The following DSCAM variants were observed in gnomAD, a reference collection of about 807,000 sequenced individuals.
DSCAM encodes cell adhesion molecule DSCAM.
A neutral mutation model predicts 217.7 loss-of-function variants in DSCAM; 47 were observed. The observed-to-expected ratio is 0.22, with a 90% CI of 0.17 to 0.28. The LOEUF (loss-of-function observed/expected upper bound fraction) is 0.28. Ranked by LOEUF, DSCAM falls within the 10% of genes least tolerant of loss-of-function variation. DSCAM has a pLI of 1.00. For missense variants in DSCAM, 2,080 were observed against 2,618.3 expected (o/e 0.79, Z 4.49); for synonymous variants, 1,056 against 1,015.3 (o/e 1.04, Z -0.76).
At chr21:40,214,265 G>C (rs1160678017) in intron 11 of DSCAM, among the ~76,000 whole-genome samples, 1 of 152,190 alleles carries the variant, frequency 6.6e-6, no homozygotes, top group East Asian at 1.9e-4. Flanking sequence ...ATGGACGTGG[G>C]AGCCTGTGTT....
intron 3 of DSCAM, among the ~76,000 whole-genome samples, chr21:40,453,280 G>C (rs1467028610): frequency 6.6e-6 from 1 of 152,064 alleles, no homozygotes; most frequent in Non-Finnish European, 1.5e-5. Flanking sequence ...GAGAAGATAA[G>C]GATGGAGAGA....
chr21:40,345,049 T>C (rs974054912), intron 6 of DSCAM, among the ~76,000 whole-genome samples: 2 of 152,212 alleles, frequency 1.3e-5, no homozygotes, highest in African/African-American at 4.8e-5. Flanking sequence ...TTCTCTAATC[T>C]TGTATTAAAC....
intron 1 of DSCAM, among the ~76,000 whole-genome samples, chr21:40,810,524 T>C (rs2091828620): frequency 6.6e-6 from 1 of 152,188 alleles, no homozygotes; most frequent in South Asian, 2.1e-4. Context: ...TGGGTTTGGA[T>C]CCTGGCCCCA....
chr21:40,147,556 C>T (rs539833900), intron 16 of DSCAM, among the ~76,000 whole-genome samples: 6 of 152,150 alleles, frequency 3.9e-5, no homozygotes, highest in Non-Finnish European at 8.8e-5. Flanking sequence ...TTAGTTGATA[C>T]TTCTGCAAAA....
chr21:40,529,049 G>A (rs543146124), intron 3 of DSCAM, among the ~76,000 whole-genome samples: 11 of 151,830 alleles, frequency 7.2e-5, no homozygotes, highest in South Asian at 4.2e-4. Context: ...GACTACAGGC[G>A]CGTGCCACCA....
At chr21:40,113,056 A>T (rs79072855) in intron 20 of DSCAM, among the ~76,000 whole-genome samples, 3,830 of 152,254 alleles carry the variant, frequency 0.025, 235 homozygotes, top group East Asian at 0.21. Flanking sequence ...ATCCTCCCTA[A>T]CTCATTTTAT....
intron 3 of DSCAM, among the ~76,000 whole-genome samples, chr21:40,429,955 A>C (rs1267024107): frequency 6.6e-6 from 1 of 152,242 alleles, no homozygotes; most frequent in Admixed American, 6.5e-5. Flanking sequence ...AAAATGACCA[A>C]GAAAAGAGCC....
At chr21:40,187,097 G>C in intron 14 of DSCAM, 34 bp downstream of exon 14, 1 of 1,610,026 alleles carries the variant, frequency 6.2e-7, no homozygotes, top group South Asian at 1.1e-5. Flanking sequence ...ACTTTCTGAG[G>C]TGGAAGGGAA....
intron 3 of DSCAM, among the ~76,000 whole-genome samples, chr21:40,575,056 A>G (rs2076838151): frequency 6.7e-6 from 1 of 148,846 alleles, no homozygotes; most frequent in East Asian, 1.9e-4. Flanking sequence ...GAATCACAAA[A>G]GTGAAAATGG....
chr21:40,434,810 A>T (rs1283540979), intron 3 of DSCAM, among the ~76,000 whole-genome samples: 1 of 152,180 alleles, frequency 6.6e-6, no homozygotes, highest in Admixed American at 6.5e-5. Flanking sequence ...TTAGACACTA[A>T]ATCCAGATAT....
intron 19 of DSCAM, among the ~76,000 whole-genome samples, chr21:40,126,423 T>C (rs1452566254): frequency 6.6e-6 from 1 of 151,422 alleles, no homozygotes; most frequent in Admixed American, 6.6e-5. Flanking sequence ...GAATGGGACA[T>C]GTGGATTTGT....
At chr21:40,490,066 A>G (rs1324870281) in intron 3 of DSCAM, among the ~76,000 whole-genome samples, 1 of 152,172 alleles carries the variant, frequency 6.6e-6, no homozygotes, top group African/African-American at 2.4e-5. Context: ...GAGAAGCAGA[A>G]TCATGTCCTA....
chr21:40,190,921 T>C (rs2410218), intron 11 of DSCAM, among the ~76,000 whole-genome samples: 1 of 152,162 alleles, frequency 6.6e-6, no homozygotes, highest in East Asian at 1.9e-4. Context: ...AAAAATATGA[T>C]AAAGGAACAA....
intron 3 of DSCAM, among the ~76,000 whole-genome samples, chr21:40,569,824 T>C (rs146607261): frequency 9.9e-4 from 151 of 152,310 alleles, no homozygotes; most frequent in African/African-American, 3.4e-3. Context: ...TTTTTGTGTG[T>C]TCACACTGGA....
chr21:40,281,911 C>A (rs2073765551), intron 10 of DSCAM, among the ~76,000 whole-genome samples: 2 of 152,152 alleles, frequency 1.3e-5, no homozygotes, highest in Admixed American at 1.3e-4. Context: ...TTTTACAAAA[C>A]TCTTTTTTTG....
intron 3 of DSCAM, among the ~76,000 whole-genome samples, chr21:40,517,923 T>C (rs1226272383): frequency 2.0e-5 from 3 of 152,082 alleles, no homozygotes; most frequent in Admixed American, 2.0e-4. Context: ...TTTCATCACC[T>C]GTTTGGCCCT....
chr21:40,057,787 A>G (rs1317070029), intron 28 of DSCAM, among the ~76,000 whole-genome samples: 1 of 151,656 alleles, frequency 6.6e-6, no homozygotes, highest in East Asian at 2.0e-4. Context: ...AAGCCTTGAG[A>G]TTCAGAAGCT....
chr21:40,726,814 C>T (rs550426524), intron 1 of DSCAM, among the ~76,000 whole-genome samples: 1 of 152,076 alleles, frequency 6.6e-6, no homozygotes, highest in East Asian at 1.9e-4. Context: ...TAGGCTCTGC[C>T]CTCATGAATA....
chr21:40,534,062 T>C (rs1277275811), intron 3 of DSCAM, among the ~76,000 whole-genome samples: 1 of 152,190 alleles, frequency 6.6e-6, no homozygotes, highest in Non-Finnish European at 1.5e-5. Context: ...TTTTATAAAA[T>C]AGAAGGTAAA....
Sources: gnomAD v4.1 joint callset for allele counts (sites outside exome capture counted in the v4.1 genomes callset) on GRCh38, gnomAD v4.1.1 for gene constraint, MANE v1.5 for transcripts, NCBI Gene and HGNC (gene_info 2026-07-23, HGNC 2026-07-21) for gene names.